Variants in IKZF2 observed in about 807,000 individuals in gnomAD.
IKZF2 encodes IKAROS family zinc finger 2, also known as zinc finger protein Helios.
IKZF2 carries 15 observed loss-of-function variants against 49.2 expected under a neutral mutation model. That is an observed-to-expected ratio of 0.30 (90% CI 0.20 to 0.47). The LOEUF (loss-of-function observed/expected upper bound fraction) is 0.47. IKZF2 is among the 20% of genes least tolerant of loss of function. The probability of loss-of-function intolerance (pLI) is 1.00; values close to 1 mark genes in which losing one functional copy is unlikely to be tolerated. For synonymous variants in IKZF2, 227 were observed against 221.4 expected, an observed-to-expected ratio of 1.03 and a Z score of -0.23; for missense variants, 567 against 664.6, an observed-to-expected ratio of 0.85 and a Z score of 1.61.
chr2:213,051,454 A>G (rs1281493484), intron 5 of IKZF2, among the ~76,000 whole-genome samples: 1 of 151,964 alleles, frequency 6.6e-6, no homozygotes, highest in Non-Finnish European at 1.5e-5. Context: ...TGGATTGAAA[A>G]AAATCTGTAA....
At chr2:213,071,700 C>A (rs1702724194) in intron 4 of IKZF2, among the ~76,000 whole-genome samples, 1 of 152,084 alleles carries the variant, frequency 6.6e-6, no homozygotes, top group Non-Finnish European at 1.5e-5. Flanking sequence ...CACTTAAATT[C>A]CTGAACTAAG....
At chr2:213,069,732 A>G (rs937595657) in intron 4 of IKZF2, among the ~76,000 whole-genome samples, 2 of 152,100 alleles carry the variant, frequency 1.3e-5, no homozygotes, top group African/African-American at 4.8e-5. Context: ...CCATTACTAC[A>G]CTGCCTAACA....
At chr2:213,094,598 A>G (rs1461516082) in intron 4 of IKZF2, among the ~76,000 whole-genome samples, 1 of 152,114 alleles carries the variant, frequency 6.6e-6, no homozygotes, top group Non-Finnish European at 1.5e-5. Context: ...GCCAGTTGAC[A>G]GCATATTAAG....
intron 4 of IKZF2, among the ~76,000 whole-genome samples, chr2:213,070,194 C>T (rs760827456): frequency 6.6e-6 from 1 of 152,052 alleles, no homozygotes; most frequent in Non-Finnish European, 1.5e-5. Context: ...CATATGAATA[C>T]AGTAAAATCC....
intron 4 of IKZF2, among the ~76,000 whole-genome samples, chr2:213,135,741 A>C (rs936293347): frequency 1.3e-5 from 2 of 152,138 alleles, no homozygotes; most frequent in Non-Finnish European, 2.9e-5. Context: ...AAAGAGAGAA[A>C]GAAGAAAGGA....
chr2:213,076,957 G>A (rs1559242124), intron 4 of IKZF2, among the ~76,000 whole-genome samples: 1 of 152,118 alleles, frequency 6.6e-6, no homozygotes, highest in Non-Finnish European at 1.5e-5. Context: ...TGAGTCTGAA[G>A]ACATACAACT....
intron 6 of IKZF2, among the ~76,000 whole-genome samples, chr2:213,035,050 T>C (rs1574563562): frequency 6.6e-6 from 1 of 152,204 alleles, no homozygotes; most frequent in Admixed American, 6.5e-5. Flanking sequence ...ATAAAGAATA[T>C]GTATTTGTAT....
chr2:213,078,011 T>C (rs1012595626), intron 4 of IKZF2, among the ~76,000 whole-genome samples: 7 of 152,204 alleles, frequency 4.6e-5, no homozygotes, highest in East Asian at 1.9e-4. Flanking sequence ...GAGTAGAAGA[T>C]TGCATATTCC....
chr2:213,124,174 TC>T (rs1344649928), intron 4 of IKZF2, among the ~76,000 whole-genome samples: 1 of 151,840 alleles, frequency 6.6e-6, no homozygotes, highest in African/African-American at 2.4e-5. Flanking sequence ...AGTAACTGAT[TC>T]AAGGATTATT....
chr2:213,055,490 A>G (rs1417962322), intron 5 of IKZF2, among the ~76,000 whole-genome samples: 1 of 152,128 alleles, frequency 6.6e-6, no homozygotes, highest in Non-Finnish European at 1.5e-5. Flanking sequence ...AATTGACTGT[A>G]TGATTGGAAT....
At chr2:213,067,397 G>A (rs753764363) in intron 4 of IKZF2, among the ~76,000 whole-genome samples, 2 of 151,984 alleles carry the variant, frequency 1.3e-5, no homozygotes, top group African/African-American at 4.8e-5. Flanking sequence ...GAACTAGATG[G>A]CACTCAAGAT....
At chr2:213,077,054 G>A (rs1056436954) in intron 4 of IKZF2, among the ~76,000 whole-genome samples, 1 of 152,300 alleles carries the variant, frequency 6.6e-6, no homozygotes, top group Non-Finnish European at 1.5e-5. Context: ...AAAGGACTGT[G>A]GAATATCTTT....
Position 213,143,820 on chromosome 2 carries a change from C to T in IKZF2, c.139+3888G>A, listed in dbSNP as rs1383647587. Among the ~76,000 whole-genome samples, 6 of 151,902 alleles carry T rather than the reference C, an allele frequency of 3.9e-5. No homozygotes were observed. The South Asian group carries it at 8.3e-4, about 21-fold the overall frequency. ...GAAAAGATAATCTGATATCACTCCA[C>T]CCTCATAATAACTCTTCTATTTCTG... On this transcript the variant is annotated intron_variant, in intron 4 of 8. Transcript: ENST00000434687.
intron 4 of IKZF2, among the ~76,000 whole-genome samples, chr2:213,096,476 T>C (rs1156817433): frequency 6.6e-6 from 1 of 151,986 alleles, no homozygotes; most frequent in East Asian, 1.9e-4. Flanking sequence ...AATGTATGGA[T>C]GTATATATAA....
chr2:213,071,925 C>A (rs1456742878), intron 4 of IKZF2, among the ~76,000 whole-genome samples: 3 of 152,030 alleles, frequency 2.0e-5, no homozygotes, highest in African/African-American at 4.8e-5. Flanking sequence ...CACACATACA[C>A]ACACACAATT....
At chr2:213,075,906 C>A (rs1235082751) in intron 4 of IKZF2, among the ~76,000 whole-genome samples, 1 of 152,032 alleles carries the variant, frequency 6.6e-6, no homozygotes, top group African/African-American at 2.4e-5. Flanking sequence ...ATAAAATAAT[C>A]ATAAGCAAAT....
chr2:213,047,931 G>C (rs1004983451), intron 6 of IKZF2, among the ~76,000 whole-genome samples: 1 of 151,870 alleles, frequency 6.6e-6, no homozygotes, highest in South Asian at 2.1e-4. Context: ...AAGAGTAAGG[G>C]GAAGATGTAT....
chr2:213,019,166 A>C (rs570519703), intron 7 of IKZF2, among the ~76,000 whole-genome samples: 49 of 152,272 alleles, frequency 3.2e-4, no homozygotes, highest in African/African-American at 1.1e-3. Flanking sequence ...CTAGAAGAAC[A>C]ACACAGGGAA....
intron 7 of IKZF2, among the ~76,000 whole-genome samples, chr2:213,018,966 T>C (rs1222692982): frequency 6.6e-6 from 1 of 152,134 alleles, no homozygotes; most frequent in Admixed American, 6.6e-5. Context: ...TATTAGAGCT[T>C]TTGTTTCATT....
Sources: gnomAD v4.1 joint callset for allele counts (sites outside exome capture counted in the v4.1 genomes callset) on GRCh38, gnomAD v4.1.1 for gene constraint, MANE v1.5 for transcripts, NCBI Gene and HGNC (gene_info 2026-07-23, HGNC 2026-07-21) for gene names.